The following HIBCH variants were observed in gnomAD, a reference collection of about 807,000 sequenced individuals.
HIBCH encodes the protein 3-hydroxyisobutyryl-CoA hydrolase, mitochondrial.
In HIBCH, 50 loss-of-function variants were observed where a neutral mutation model predicts 58.2. That is an observed-to-expected ratio of 0.86 (90% CI 0.68 to 1.09). The LOEUF (loss-of-function observed/expected upper bound fraction) is 1.09, where lower values mean the gene tolerates loss of function less well. HIBCH is among the 50% of genes least tolerant of loss of function. The probability of loss-of-function intolerance (pLI) is 0.00; values close to 1 mark genes in which losing one functional copy is unlikely to be tolerated. For synonymous variants in HIBCH, 151 were observed against 146.9 expected (o/e 1.03, Z -0.20); for missense variants, 450 against 449.7 (o/e 1.00, Z -0.01).
intron 2 of HIBCH, among the ~76,000 whole-genome samples, chr2:190,301,781 C>T (rs1688269538): frequency 6.6e-6 from 1 of 152,072 alleles, no homozygotes; most frequent in Non-Finnish European, 1.5e-5. Flanking sequence ...CTGGTGAGAC[C>T]CCATTTTGCA....
rs537395818 is a variant in HIBCH at position 190,211,359 on chromosome 2, A to G, written c.1011+1597T>C. ...GTCTCAAATCCATTTACTTCTCTCA[A>G]TTGCCACCATGCTTGTCTCAAAACT... On this transcript the variant is annotated intron_variant, in intron 12 of 13. Coordinates refer to ENST00000359678, the MANE Select transcript of HIBCH (RefSeq NM_014362.4). This position sits in a 1 kb window ranked among gnomAD's most constrained non-coding sequence, Gnocchi z 5.0. 1.2e-4 allele frequency among the ~76,000 whole-genome samples: 18 copies of G among 152,196 alleles called. No homozygotes were observed. Among genetic ancestry groups the G allele is most frequent in the Non-Finnish European group, 2.2e-4 (15 of 68,024 alleles).
At chr2:190,278,253 G>A (rs1687610762) in intron 6 of HIBCH, among the ~76,000 whole-genome samples, 1 of 151,918 alleles carries the variant, frequency 6.6e-6, no homozygotes, top group Non-Finnish European at 1.5e-5. Context: ...CGCCCAGGCT[G>A]AAGTGCAATG....
In HIBCH at chr2:190,290,489, G is replaced by A; in HGVS notation, c.305-4C>T. ...GCCTTTTCAGCTTCCGAGATCACTA[G>A]GAAGGAAAGATTACAAATAAAAAAA... On this transcript the variant is annotated splice_polypyrimidine_tract_variant and splice_region_variant and intron_variant, in intron 4 of 13. Transcript: ENST00000359678. 6.3e-7 allele frequency: 1 copy of A among 1,584,514 alleles called. No homozygotes were observed. The highest frequency in any genetic ancestry group is 8.7e-7 in the Non-Finnish European group (1 of 1,155,362).
chr2:190,208,809 CTTCT>C, intron 13 of HIBCH, 67 bp downstream of exon 13: 1 of 1,354,458 alleles, frequency 7.4e-7, no homozygotes, highest in Non-Finnish European at 1.1e-6. Context: ...TAATCTGTAT[CTTCT>C]TTAATTAACA....
At chr2:190,246,874 A>C (rs1463118787) in intron 9 of HIBCH, among the ~76,000 whole-genome samples, 2 of 152,176 alleles carry the variant, frequency 1.3e-5, no homozygotes, top group African/African-American at 4.8e-5. Context: ...ATGGTAGCAA[A>C]GTATAAGAGG....
At chr2:190,247,210 A>G (rs1686633932) in intron 9 of HIBCH, among the ~76,000 whole-genome samples, 1 of 152,140 alleles carries the variant, frequency 6.6e-6, no homozygotes, top group African/African-American at 2.4e-5. Flanking sequence ...TCTTAGTTCT[A>G]AATCAACTTG....
intron 11 of HIBCH, among the ~76,000 whole-genome samples, chr2:190,234,115 C>T (rs899843881): frequency 1.3e-5 from 2 of 152,142 alleles, no homozygotes; most frequent in African/African-American, 4.8e-5. Flanking sequence ...TGAGATTGTG[C>T]CACTGCACTC....
At chr2:190,221,646 T>C (rs1039305698) in intron 11 of HIBCH, among the ~76,000 whole-genome samples, 2 of 152,176 alleles carry the variant, frequency 1.3e-5, no homozygotes, top group African/African-American at 2.4e-5. Context: ...CCTGTTTTCC[T>C]GCTCGAATGT....
chr2:190,294,437 A>C, intron 4 of HIBCH, 109 bp downstream of exon 4: 1 of 761,352 alleles, frequency 1.3e-6, no homozygotes, highest in Non-Finnish European at 2.2e-6. Context: ...CTTTATAATA[A>C]AAAGTTCTAA....
intron 1 of HIBCH, among the ~76,000 whole-genome samples, chr2:190,317,766 CA>C (rs1688741322): frequency 6.6e-6 from 1 of 151,762 alleles, no homozygotes; most frequent in Non-Finnish European, 1.5e-5. Context: ...ATGATAGTGC[CA>C]AGAGAGACAA....
At chr2:190,301,875 G>C (rs115289916) in intron 2 of HIBCH, among the ~76,000 whole-genome samples, 2 of 152,140 alleles carry the variant, frequency 1.3e-5, no homozygotes, top group Non-Finnish European at 2.9e-5. Flanking sequence ...TTTTATAAGA[G>C]TACTAATCCT....
At chr2:190,266,408 C>T (rs1413252290) in intron 6 of HIBCH, among the ~76,000 whole-genome samples, 1 of 152,052 alleles carries the variant, frequency 6.6e-6, no homozygotes, top group African/African-American at 2.4e-5. Context: ...TAGAGCTTTC[C>T]ACTTGTTTAC....
At position 190,290,252 on chromosome 2, in the gene HIBCH, C is replaced by T. The variant is rs149866177; in HGVS notation, c.385+153G>A. On this transcript the variant is annotated intron_variant, in intron 5 of 13. Transcript: ENST00000359678. Reference sequence around the variant, plus strand: ...TAAAGGGTAACTGTTCTGAAATAAGCACTTAAAATAGTTTAATCAACTTTA... The same window carrying T: ...TAAAGGGTAACTGTTCTGAAATAAGTACTTAAAATAGTTTAATCAACTTTA... 3.5e-4 allele frequency among the ~76,000 whole-genome samples: 53 copies of T among 152,212 alleles called. No homozygotes were observed. The East Asian group carries it at 9.1e-3, about 26-fold the overall frequency.
intron 2 of HIBCH, among the ~76,000 whole-genome samples, chr2:190,298,177 C>G (rs1012601142): frequency 2.0e-5 from 3 of 152,112 alleles, no homozygotes; most frequent in Admixed American, 2.0e-4. Flanking sequence ...TGGTTTGGCT[C>G]CAAGTCTTTG....
chr2:190,213,101 GT>G, intron 11 of HIBCH, 26 bp from the exon 12 acceptor site: 1 of 1,540,402 alleles, frequency 6.5e-7, no homozygotes, highest in Non-Finnish European at 9.0e-7. Context: ...ATTTACTACT[GT>G]TAGTCCAATA....
chr2:190,301,286 T>C (rs988184620), intron 2 of HIBCH, among the ~76,000 whole-genome samples: 10 of 152,158 alleles, frequency 6.6e-5, no homozygotes, highest in Non-Finnish European at 1.5e-4. Flanking sequence ...CCTAGGTCTA[T>C]GATAAAGTCT....
chr2:190,270,333 T>G lies in HIBCH; in HGVS notation c.439-9099A>C, dbSNP rs141132179. ...AAGGCATAGTTAACCACCCATGATT[T>G]ATACTAATGGCAAGATTAATCCCTC... On this transcript the variant is annotated intron_variant, in intron 6 of 13. Transcript: ENST00000359678. Among the ~76,000 whole-genome samples, 144 of 151,888 alleles carry G rather than the reference T, an allele frequency of 9.5e-4. 1 individual carries two copies. The highest frequency in any genetic ancestry group is 3.4e-3 in the African/African-American group (142 of 41,396).
intron 11 of HIBCH, among the ~76,000 whole-genome samples, chr2:190,231,709 A>C (rs1686099325): frequency 6.6e-6 from 1 of 152,060 alleles, no homozygotes; most frequent in Non-Finnish European, 1.5e-5. Context: ...GGGAGAAATA[A>C]AGGGGGTATG....
At chr2:190,292,202 G>C (rs376484902) in intron 4 of HIBCH, among the ~76,000 whole-genome samples, 4 of 152,056 alleles carry the variant, frequency 2.6e-5, no homozygotes, top group Admixed American at 2.0e-4. Context: ...GGCCGGTCTC[G>C]AACTCCCAAC....
Sources: gnomAD v4.1 joint callset for allele counts (sites outside exome capture counted in the v4.1 genomes callset) on GRCh38, gnomAD v4.1.1 for gene constraint, Gnocchi (gnomAD v3.1) non-coding constraint, MANE v1.5 for transcripts, NCBI Gene and HGNC (gene_info 2026-07-23, HGNC 2026-07-21) for gene names.